INPP4B: variants seen among roughly 807,000 people sequenced by gnomAD.
INPP4B encodes inositol polyphosphate 4-phosphatase type II.
Under a neutral mutation model 122.5 loss-of-function variants are expected in INPP4B, and 55 were observed. The observed-to-expected ratio is 0.45, with a 90% confidence interval of 0.36 to 0.56. The LOEUF (loss-of-function observed/expected upper bound fraction) is 0.56, where lower values mean the gene tolerates loss of function less well. Ranked by LOEUF, INPP4B falls within the 20% of genes least tolerant of loss-of-function variation. The pLI, the probability that INPP4B is intolerant of heterozygous loss-of-function variation, is 0.00. For missense variants in INPP4B, 1,000 were observed against 1,097.7 expected, an observed-to-expected ratio of 0.91 and a Z score of 1.26; for synonymous variants, 403 against 388.7, an observed-to-expected ratio of 1.04 and a Z score of -0.43.
At chr4:142,426,705 T>A (rs1808132009) in intron 5 of INPP4B, 1 of 151,928 alleles carries the variant, frequency 6.6e-6, no homozygotes, top group African/African-American at 2.4e-5. Context: ...CAAGACATAA[T>A]TATTATATAG....
At chr4:142,245,612 T>C (rs1012012340) in intron 11 of INPP4B, among the ~76,000 whole-genome samples, 3 of 152,050 alleles carry the variant, frequency 2.0e-5, no homozygotes, top group African/African-American at 4.8e-5. Flanking sequence ...AAATGAGTTA[T>C]GGAGGAGTCC....
chr4:142,734,350 G>A (rs990058274), intron 1 of INPP4B, among the ~76,000 whole-genome samples: 2 of 152,000 alleles, frequency 1.3e-5, no homozygotes, highest in African/African-American at 4.8e-5. Flanking sequence ...CTAATCTATC[G>A]TATTTTATTA....
chr4:142,809,095 A>G (rs1779194111), intron 1 of INPP4B, among the ~76,000 whole-genome samples: 1 of 152,108 alleles, frequency 6.6e-6, no homozygotes, highest in Non-Finnish European at 1.5e-5. Flanking sequence ...GATGTTTTGG[A>G]ATCAAGCACA....
chr4:142,840,543 T>C (rs913808725), intron 1 of INPP4B, among the ~76,000 whole-genome samples: 15 of 152,102 alleles, frequency 9.9e-5, no homozygotes, highest in African/African-American at 3.6e-4. Flanking sequence ...TACAATCAAA[T>C]CTTTAAAGTA....
At chr4:142,548,784 T>C (rs1727294809) in intron 2 of INPP4B, among the ~76,000 whole-genome samples, 1 of 151,882 alleles carries the variant, frequency 6.6e-6, no homozygotes, top group African/African-American at 2.4e-5. Context: ...TGTATACATA[T>C]ATATATATTA....
At chr4:142,414,300 TA>T (rs539004311) in intron 5 of INPP4B, among the ~76,000 whole-genome samples, 78 of 148,036 alleles carry the variant, frequency 5.3e-4, no homozygotes, top group East Asian at 2.4e-3. Context: ...GGCTTTTAAA[TA>T]AAAAAAAAAT....
intron 12 of INPP4B, among the ~76,000 whole-genome samples, chr4:142,222,081 T>A (rs1849610849): frequency 6.6e-6 from 1 of 152,204 alleles, no homozygotes; most frequent in South Asian, 2.1e-4. Context: ...TGGCTCAGCC[T>A]CCCAAGTAGC....
intron 10 of INPP4B, among the ~76,000 whole-genome samples, chr4:142,270,381 C>A (rs1435579256): frequency 6.6e-6 from 1 of 152,178 alleles, no homozygotes; most frequent in Non-Finnish European, 1.5e-5. Context: ...CGACAATGAT[C>A]AATACTTTTG....
In INPP4B at chr4:142,265,055, G is replaced by A. The variant is rs1742103281; in HGVS notation, c.616-4491C>T. 2.0e-5 allele frequency among the ~76,000 whole-genome samples: 3 copies of A among 151,782 alleles called. No individual in the cohort carries two copies. In the South Asian group the frequency reaches 6.2e-4, roughly 32 times the overall value. On this transcript the variant is annotated intron_variant, in intron 10 of 25. Transcript: ENST00000262992. ...AGAAGATAGACCATCTGAGAAGGTA[G>A]CAAGAAGGCAGCCATCTGCAAGCCA...
intron 2 of INPP4B, among the ~76,000 whole-genome samples, chr4:142,505,259 A>G (rs1269475431): frequency 2.6e-5 from 4 of 151,922 alleles, no homozygotes; most frequent in African/African-American, 9.7e-5. Context: ...AAAAAAAGAA[A>G]ACTGTGCAAG....
At chr4:142,664,501 A>G (rs1755697172) in intron 2 of INPP4B, among the ~76,000 whole-genome samples, 2 of 152,162 alleles carry the variant, frequency 1.3e-5, no homozygotes, top group African/African-American at 4.8e-5. Flanking sequence ...CATTTCTAAC[A>G]CATTAGAATG....
At chr4:142,769,907 C>G (rs569415386) in intron 1 of INPP4B, among the ~76,000 whole-genome samples, 1 of 152,094 alleles carries the variant, frequency 6.6e-6, no homozygotes, top group East Asian at 1.9e-4. Flanking sequence ...GAGTGAGACC[C>G]TGTCTCAAAA....
intron 2 of INPP4B, among the ~76,000 whole-genome samples, chr4:142,635,828 C>T (rs1198014319): frequency 3.9e-5 from 6 of 152,058 alleles, no homozygotes; most frequent in Admixed American, 3.9e-4. Context: ...ACCTACAAAA[C>T]AAACCTTCAC....
chr4:142,669,115 G>A (rs1756614040), intron 2 of INPP4B, among the ~76,000 whole-genome samples: 1 of 151,886 alleles, frequency 6.6e-6, no homozygotes, highest in Non-Finnish European at 1.5e-5. Context: ...TTAACTAAGA[G>A]GTGAGAGATC....
At chr4:142,405,412 T>A in intron 5 of INPP4B, 88 bp from the exon 6 acceptor site, 1 of 781,644 alleles carries the variant, frequency 1.3e-6, no homozygotes, top group Non-Finnish European at 2.2e-6. Flanking sequence ...TGAACTTAGC[T>A]ACAGCACTGA....
chr4:142,125,334 C>T (rs145194173), intron 18 of INPP4B, among the ~76,000 whole-genome samples: 3 of 150,796 alleles, frequency 2.0e-5, no homozygotes, highest in African/African-American at 7.3e-5. Context: ...GATTGTACCA[C>T]TCACTCCTCA....
intron 1 of INPP4B, among the ~76,000 whole-genome samples, chr4:142,842,529 T>TATATAATATATACAATATCTATTATATA (rs35407959): frequency 2.1e-5 from 3 of 141,636 alleles, no homozygotes; most frequent in African/African-American, 7.8e-5. Flanking sequence ...ATATATTATA[T>TATATAATATATACAATATCTATTATATA]TATAATATAT....
chr4:142,816,691 C>T (rs1320292982), intron 1 of INPP4B, among the ~76,000 whole-genome samples: 2 of 151,852 alleles, frequency 1.3e-5, no homozygotes, highest in Admixed American at 1.3e-4. Context: ...TATATACATA[C>T]ACACACACAT....
chr4:142,625,233 C>G lies in INPP4B; in HGVS notation c.-191+100606G>C, dbSNP rs1475908797. On this transcript the variant is annotated intron_variant, in intron 2 of 25. Coordinates refer to ENST00000262992, the MANE Select transcript of INPP4B (RefSeq NM_001101669.3). ...GACATGATTGTATATCTAGAAAACC[C>G]CATTGTCTCAGCCCAAAATCTCCTT... is the stretch of plus-strand genomic sequence containing the variant. 3.3e-5 allele frequency among the ~76,000 whole-genome samples: 5 copies of G among 151,894 alleles called. No individual in the cohort carries two copies. The East Asian group carries it at 7.7e-4, about 23-fold the overall frequency.
Sources: allele counts gnomAD v4.1 joint callset (sites outside exome capture counted in the v4.1 genomes callset), GRCh38; gene constraint gnomAD v4.1.1; transcripts MANE v1.5; gene names NCBI Gene and HGNC (gene_info 2026-07-23, HGNC 2026-07-21).